Variants in DOCK3 observed in about 807,000 individuals in gnomAD.
DOCK3 encodes the protein dedicator of cytokinesis protein 3.
DOCK3 carries 60 observed loss-of-function variants against 265.6 expected under a neutral mutation model. The ratio of observed to expected loss-of-function variants is 0.23; its 90% confidence interval spans 0.18 to 0.28. The LOEUF is 0.28. Among genes scored for constraint, DOCK3 ranks in the 10% least tolerant of loss-of-function variants. The probability of loss-of-function intolerance (pLI) is 1.00; values close to 1 mark genes in which losing one functional copy is unlikely to be tolerated. For missense variants in DOCK3, 1,981 were observed against 2,594.3 expected (o/e 0.76, Z 5.14); for synonymous variants, 881 against 938.0 (o/e 0.94, Z 1.11).
intron 5 of DOCK3, among the ~76,000 whole-genome samples, chr3:51,029,968 G>A (rs771241731): frequency 3.3e-4 from 50 of 152,024 alleles, no homozygotes; most frequent in Non-Finnish European, 6.6e-4. Context: ...CCTGGGACAC[G>A]GGGTCGGGGG....
At chr3:50,919,615 T>G (rs1289565767) in intron 4 of DOCK3, among the ~76,000 whole-genome samples, 2 of 152,210 alleles carry the variant, frequency 1.3e-5, no homozygotes, top group Non-Finnish European at 2.9e-5. Context: ...CCTGAGACTT[T>G]GCTGAAGTTG....
intron 2 of DOCK3, among the ~76,000 whole-genome samples, chr3:50,784,750 G>GTATTT (rs1351337683): frequency 7.2e-5 from 11 of 152,154 alleles, no homozygotes; most frequent in African/African-American, 9.7e-5. Flanking sequence ...ATATTCGTAA[G>GTATTT]TATTTTATTT....
At chr3:50,942,912 G>A (rs2076332652) in intron 5 of DOCK3, among the ~76,000 whole-genome samples, 1 of 151,920 alleles carries the variant, frequency 6.6e-6, no homozygotes. Flanking sequence ...GGAGTTTTGA[G>A]ACTTAGTACA....
intron 5 of DOCK3, among the ~76,000 whole-genome samples, chr3:51,061,995 T>G (rs1237895310): frequency 6.6e-6 from 1 of 152,180 alleles, no homozygotes; most frequent in Non-Finnish European, 1.5e-5. Flanking sequence ...TTCTGGCACC[T>G]CTACCTACAA....
intron 1 of DOCK3, among the ~76,000 whole-genome samples, chr3:50,743,535 G>T (rs867180434): frequency 1.3e-5 from 2 of 149,710 alleles, no homozygotes; most frequent in African/African-American, 4.9e-5. Flanking sequence ...AAAGGCAGGG[G>T]TTGCAATCCT....
intron 2 of DOCK3, among the ~76,000 whole-genome samples, chr3:50,823,435 C>G (rs368728786): frequency 6.6e-6 from 1 of 152,196 alleles, no homozygotes; most frequent in Non-Finnish European, 1.5e-5. Flanking sequence ...TTAATCCATT[C>G]AACCCTGAGT....
chr3:51,229,678 T>C, intron 19 of DOCK3, 69 bp downstream of exon 19: 3 of 1,242,222 alleles, frequency 2.4e-6, no homozygotes, highest in South Asian at 4.5e-5. Flanking sequence ...TACTTTGTCA[T>C]GATTTTTGCC....
chr3:51,213,245 T>G (rs1474159829), intron 13 of DOCK3, among the ~76,000 whole-genome samples: 2 of 152,104 alleles, frequency 1.3e-5, no homozygotes, highest in Non-Finnish European at 2.9e-5. Context: ...GGACGCCTCC[T>G]GTCAACCCAT....
intron 22 of DOCK3, among the ~76,000 whole-genome samples, chr3:51,252,375 G>A (rs2079299732): frequency 1.3e-5 from 2 of 152,172 alleles, no homozygotes; most frequent in Non-Finnish European, 2.9e-5. Flanking sequence ...GAACTTTAAA[G>A]TAGTTTTTTC....
At chr3:51,170,068 A>C (rs1431565713) in intron 12 of DOCK3, among the ~76,000 whole-genome samples, 1 of 152,232 alleles carries the variant, frequency 6.6e-6, no homozygotes, top group African/African-American at 2.4e-5. Context: ...TCTCAAAAGA[A>C]AATGTTCATT....
At chr3:51,250,385 A>T (rs1372732467) in intron 22 of DOCK3, among the ~76,000 whole-genome samples, 2 of 152,150 alleles carry the variant, frequency 1.3e-5, no homozygotes. Context: ...TGGGGAGGCC[A>T]AGGCGGGCGG....
chr3:50,854,591 A>ATTTTTTTTTTTTT (rs1559726991), intron 3 of DOCK3, among the ~76,000 whole-genome samples: 6 of 4,326 alleles, frequency 1.4e-3, no homozygotes, highest in African/African-American at 1.7e-3. Flanking sequence ...CCATCACACC[A>ATTTTTTTTTTTTT]GTTTTTTTTT....
intron 4 of DOCK3, among the ~76,000 whole-genome samples, chr3:50,911,860 A>G (rs965529474): frequency 1.3e-5 from 2 of 151,958 alleles, no homozygotes; most frequent in South Asian, 4.2e-4. Flanking sequence ...TCAGTGTTTA[A>G]TAGTTTTCCT....
intron 2 of DOCK3, among the ~76,000 whole-genome samples, chr3:50,803,949 G>A (rs938400337): frequency 4.6e-5 from 7 of 151,380 alleles, no homozygotes; most frequent in East Asian, 3.9e-4. Flanking sequence ...CAGATGGGGC[G>A]GCTGCCGGGC....
intron 27 of DOCK3, among the ~76,000 whole-genome samples, chr3:51,293,076 A>G (rs1198978994): frequency 6.6e-6 from 1 of 152,198 alleles, no homozygotes; most frequent in Non-Finnish European, 1.5e-5. Flanking sequence ...ATTCAATGCA[A>G]TCTCCATCAA....
At chr3:50,829,023 T>C (rs1256141113) in intron 2 of DOCK3, among the ~76,000 whole-genome samples, 1 of 152,150 alleles carries the variant, frequency 6.6e-6, no homozygotes, top group East Asian at 1.9e-4. Context: ...CTTTTACCCT[T>C]TTCAATTATC....
At chr3:51,096,060 T>C (rs1438236641) in intron 9 of DOCK3, among the ~76,000 whole-genome samples, 1 of 152,130 alleles carries the variant, frequency 6.6e-6, no homozygotes, top group Non-Finnish European at 1.5e-5. Context: ...TTTTTCTTCA[T>C]CTCAACCTTG....
In DOCK3 at chr3:51,270,941, T is replaced by C; in HGVS notation, c.2482T>C (p.Ser828Pro). The change falls in exon 24 of 53, where the codon TCA (serine) becomes CCA (proline). Residue 828 changes from serine (S) to proline (P), a missense_variant. By Grantham distance (74) the Ser-to-Pro change is moderately conservative (BLOSUM62 -1). Around this residue, in one of 4 missense-constraint regions of DOCK3, gnomAD observed 1,357 missense variants for 1,866.8 expected, o/e 0.73. Transcript: ENST00000266037. ...SMPSTVHIGQ[S>P]MDVVKLQSIA... is the part of the protein sequence containing the mutation. ...GCCCAGCACTGTGCACATTGGGCAG[T>C]CAATGGACGTGGTCAAGCTGCAGTC... 6.2e-7 allele frequency: 1 copy of C among 1,613,970 alleles called. No homozygotes were observed. Among genetic ancestry groups the C allele is most frequent in the Non-Finnish European group, 8.5e-7 (1 of 1,179,880 alleles).
At chr3:50,980,082 T>C (rs2077634242) in intron 5 of DOCK3, among the ~76,000 whole-genome samples, 1 of 152,214 alleles carries the variant, frequency 6.6e-6, no homozygotes, top group Non-Finnish European at 1.5e-5. Context: ...AGTATGATGT[T>C]AGCTGTGGAT....
Sources: allele counts gnomAD v4.1 joint callset (sites outside exome capture counted in the v4.1 genomes callset), GRCh38; gene constraint gnomAD v4.1.1; regional missense constraint gnomAD v4.1.1; transcripts MANE v1.5; gene names NCBI Gene and HGNC (gene_info 2026-07-23, HGNC 2026-07-21).